The following TRANK1 variants were observed in gnomAD, a reference collection of about 807,000 sequenced individuals.
TRANK1 encodes the protein tetratricopeptide repeat and ankyrin repeat containing 1.
Under a neutral mutation model 266.0 loss-of-function variants are expected in TRANK1, and 198 were observed. The observed-to-expected ratio is 0.74, with a 90% CI of 0.66 to 0.84. The LOEUF (loss-of-function observed/expected upper bound fraction) is 0.84. TRANK1 is among the 40% of genes least tolerant of loss of function. The pLI is 0.00. For synonymous variants in TRANK1, 1,396 were observed against 1,384.1 expected (o/e 1.01, Z -0.19); for missense variants, 3,326 against 3,634.6 (o/e 0.92, Z 2.18).
At chr3:36,908,249 A>G in intron 2 of TRANK1, 74 bp downstream of exon 2, 3 of 1,227,646 alleles carry the variant, frequency 2.4e-6, no homozygotes, top group Non-Finnish European at 1.0e-6. Flanking sequence ...ATGATAAGAA[A>G]TGAAAAGAAA....
chr3:36,861,548 G>A (rs902459663), intron 10 of TRANK1, among the ~76,000 whole-genome samples: 1 of 152,028 alleles, frequency 6.6e-6, no homozygotes, highest in Non-Finnish European at 1.5e-5. Flanking sequence ...CAATTAAAAC[G>A]TCAAGAGCCA....
At chr3:36,890,812 G>GAAAC (rs2079681585) in intron 7 of TRANK1, among the ~76,000 whole-genome samples, 2 of 152,242 alleles carry the variant, frequency 1.3e-5, no homozygotes, top group African/African-American at 4.8e-5. Context: ...AGTTCTCTGA[G>GAAAC]AAACAAATCA....
chr3:36,857,948 T>A lies in TRANK1; in HGVS notation c.1774A>T (p.Asn592Tyr). 6.2e-7 allele frequency: 1 copy of A among 1,602,672 alleles called. No individual in the cohort carries two copies. Among genetic ancestry groups the A allele is most frequent in the South Asian group, 1.1e-5 (1 of 91,084 alleles). Residue 592 changes from asparagine to tyrosine, a missense_variant, in exon 13 of 24, where the codon AAC becomes TAC. Transcript: ENST00000645898. The surrounding 1 kb of genome is among the most constrained non-coding windows in gnomAD (Gnocchi z 4.3). ...TGGAAGAGGATGTGCATCAGCGTGT[T>A]CCCATTGCTGTCCTGGACATTGGGG... ...LNPNVQDSNG[N>Y]TLMHILFQKG...
chr3:36,872,198 C>T (rs1382680073), intron 9 of TRANK1, among the ~76,000 whole-genome samples: 2 of 152,090 alleles, frequency 1.3e-5, no homozygotes, highest in African/African-American at 2.4e-5. Flanking sequence ...GTCAGGAGTT[C>T]GAGATCAGCC....
Position 36,855,450 on chromosome 3 carries a change from G to C in TRANK1, c.4272C>G (p.Leu1424=). Residue 1424 remains leucine (L), a synonymous_variant, in exon 13 of 24, where the codon CTC becomes CTG. Coordinates refer to ENST00000645898, the MANE Select transcript of TRANK1 (RefSeq NM_001329998.2). ...LYNISRRLSK[L]RVLPWSIHEL... ...CGTGGATGGACCATGGGAGCACCCTGAGCTTCGACAGCCTCCGGGATATGT... is the reference window on the plus strand; with the variant it reads ...CGTGGATGGACCATGGGAGCACCCTCAGCTTCGACAGCCTCCGGGATATGT... The C allele has an allele frequency of 2.5e-6, 4 of 1,614,008 alleles. No homozygotes were observed. Among genetic ancestry groups the C allele is most frequent in the Non-Finnish European group, 3.4e-6 (4 of 1,179,898 alleles).
At chr3:36,927,560 C>CT (rs1032501056) in intron 1 of TRANK1, among the ~76,000 whole-genome samples, 7 of 152,302 alleles carry the variant, frequency 4.6e-5, no homozygotes, top group African/African-American at 1.2e-4. Context: ...CCCGGCAAGA[C>CT]TTTGTCTCCT....
intron 23 of TRANK1, 73 bp downstream of exon 23, chr3:36,829,491 C>T: frequency 4.7e-6 from 7 of 1,501,464 alleles, no homozygotes; most frequent in Non-Finnish European, 6.5e-6. Context: ...CTTCAGATTC[C>T]CCCCGGGAGC....
At chr3:36,925,426 G>T (rs946768382) in intron 1 of TRANK1, among the ~76,000 whole-genome samples, 1 of 151,914 alleles carries the variant, frequency 6.6e-6, no homozygotes, top group Non-Finnish European at 1.5e-5. Context: ...CAAGTTGCTG[G>T]TGCTGAGATA....
intron 1 of TRANK1, among the ~76,000 whole-genome samples, chr3:36,941,180 A>G (rs1305902196): frequency 6.6e-6 from 1 of 152,228 alleles, no homozygotes; most frequent in Non-Finnish European, 1.5e-5. Flanking sequence ...GGTTTCCTCC[A>G]AAATCCATCA....
At chr3:36,892,128 A>G in intron 7 of TRANK1, 74 bp downstream of exon 7, 1 of 1,468,438 alleles carries the variant, frequency 6.8e-7, no homozygotes, top group Non-Finnish European at 9.0e-7. Context: ...TTCTAGTTTC[A>G]CTTGAGCTCA....
At chr3:36,917,190 C>T (rs2080138577) in intron 1 of TRANK1, among the ~76,000 whole-genome samples, 1 of 151,978 alleles carries the variant, frequency 6.6e-6, no homozygotes, top group Admixed American at 6.6e-5. Flanking sequence ...AGCCTACCTC[C>T]CTGAGGATAA....
intron 1 of TRANK1, among the ~76,000 whole-genome samples, chr3:36,934,454 A>G (rs1559481393): frequency 6.6e-6 from 1 of 152,104 alleles, no homozygotes; most frequent in Non-Finnish European, 1.5e-5. Context: ...AAATCGTTTG[A>G]GTTGTTTTTT....
intron 17 of TRANK1, among the ~76,000 whole-genome samples, chr3:36,844,788 C>A (rs1029747029): frequency 6.6e-6 from 1 of 152,158 alleles, no homozygotes; most frequent in Non-Finnish European, 1.5e-5. Flanking sequence ...TAGTCGCCAA[C>A]CGAGCCATCA....
At chr3:36,879,546 A>G (rs1228599115) in intron 8 of TRANK1, among the ~76,000 whole-genome samples, 1 of 140,352 alleles carries the variant, frequency 7.1e-6, no homozygotes, top group Non-Finnish European at 1.5e-5. Flanking sequence ...TTGTATAAAT[A>G]TATCTATATA....
intron 20 of TRANK1, among the ~76,000 whole-genome samples, chr3:36,835,281 T>C (rs1351416775): frequency 8.5e-6 from 1 of 117,400 alleles, no homozygotes; most frequent in Non-Finnish European, 1.6e-5. Context: ...ATCCCGCCAC[T>C]GCACTCCAGC....
rs775938984 is a variant in TRANK1 at position 36,829,611 on chromosome 3, T to G, written c.8762A>C (p.Asp2921Ala). ...LVNILILSVR[D>A]ARDWLMKTET... ...TGTTTTCATCAACCAGTCTCGTGCATCCCTGACTGACAGGATCAGAATGTT... is the reference window on the plus strand; with the variant it reads ...TGTTTTCATCAACCAGTCTCGTGCAGCCCTGACTGACAGGATCAGAATGTT... The change falls in exon 23 of 24, where the codon GAT (aspartate) becomes GCT (alanine). Residue 2921 changes from aspartate (D) to alanine (A), a missense_variant. Coordinates refer to ENST00000645898, the MANE Select transcript of TRANK1 (RefSeq NM_001329998.2). 18 of 1,613,992 alleles carry G rather than the reference T, an allele frequency of 1.1e-5. No homozygotes were observed. The highest frequency in any genetic ancestry group is 1.4e-5 in the Non-Finnish European group (16 of 1,179,890).
In TRANK1 at chr3:36,836,688, C is replaced by T. The variant is rs568131053; in HGVS notation, c.5517+1684G>A. Reference sequence around the variant, plus strand: ...GGCTTGCCATGAACAGAAGAGTCTACGAGACTCTTCTTCCTATCACAGCTC... The same window carrying T: ...GGCTTGCCATGAACAGAAGAGTCTATGAGACTCTTCTTCCTATCACAGCTC... On this transcript the variant is annotated intron_variant, in intron 20 of 23. Transcript: ENST00000645898. 2.6e-5 allele frequency among the ~76,000 whole-genome samples: 4 copies of T among 152,324 alleles called. No homozygotes were observed. The East Asian group carries it at 5.8e-4, about 22-fold the overall frequency.
intron 8 of TRANK1, among the ~76,000 whole-genome samples, chr3:36,888,251 T>C (rs1281402015): frequency 6.6e-6 from 1 of 152,214 alleles, no homozygotes; most frequent in Non-Finnish European, 1.5e-5. Context: ...AAAGGCCTTA[T>C]ATTCTATGAT....
At chr3:36,942,416 A>T (rs2080508111) in intron 1 of TRANK1, among the ~76,000 whole-genome samples, 1 of 149,982 alleles carries the variant, frequency 6.7e-6, no homozygotes, top group Non-Finnish European at 1.5e-5. Flanking sequence ...AGACCCAAAG[A>T]ATCCTTTTAG....
Sources: gnomAD v4.1 joint callset for allele counts (sites outside exome capture counted in the v4.1 genomes callset) on GRCh38, gnomAD v4.1.1 for gene constraint, Gnocchi (gnomAD v3.1) non-coding constraint, MANE v1.5 for transcripts, NCBI Gene and HGNC (gene_info 2026-07-23, HGNC 2026-07-21) for gene names.